The following CLEC4C variants were observed in gnomAD, a reference collection of about 807,000 sequenced individuals.
CLEC4C encodes the protein C-type lectin domain family 4 member C, also known as C-type (calcium dependent, carbohydrate-recognition domain) lectin, superfamily member 11.
CLEC4C carries 17 observed loss-of-function variants against 27.7 expected under a neutral mutation model. That is an observed-to-expected ratio of 0.61 (90% CI 0.42 to 0.92). The LOEUF is 0.92. CLEC4C is among the 40% of genes least tolerant of loss of function. CLEC4C has a pLI of 0.00. For missense variants in CLEC4C, 244 were observed against 257.3 expected (o/e 0.95, Z 0.35); for synonymous variants, 80 against 80.8 (o/e 0.99, Z 0.06).
chr12:7,737,282 T>G, intron 4 of CLEC4C, 147 bp downstream of exon 4: 1 of 652,088 alleles, frequency 1.5e-6, no homozygotes, highest in Non-Finnish European at 2.4e-6. Flanking sequence ...TTAAGGAGAT[T>G]TTCCTGTGTT....
At chr12:7,733,913 G>T (rs923928009) in intron 4 of CLEC4C, among the ~76,000 whole-genome samples, 1 of 150,548 alleles carries the variant, frequency 6.6e-6, no homozygotes, top group Admixed American at 6.6e-5. Context: ...TTCTTTTTGA[G>T]ATGGAGTCTT....
At chr12:7,748,883 G>C (rs997718923), upstream of CLEC4C, among the ~76,000 whole-genome samples, 6 of 152,210 alleles carry the variant, frequency 3.9e-5, no homozygotes, top group Non-Finnish European at 8.8e-5. Flanking sequence ...ATTGCATGTA[G>C]GCCCAGCTCA....
intron 4 of CLEC4C, among the ~76,000 whole-genome samples, chr12:7,736,770 G>A (rs758286354): frequency 3.0e-4 from 45 of 152,112 alleles, no homozygotes; most frequent in African/African-American, 9.2e-4. Flanking sequence ...TTAGCCGGGC[G>A]TGGTGGCAGG....
chr12:7,747,427 C>T (rs1865008574), upstream of CLEC4C: 2 of 1,449,604 alleles, frequency 1.4e-6, no homozygotes, highest in Non-Finnish European at 1.9e-6. Context: ...AAAGATGTTA[C>T]TTTCGGGGTG....
chr12:7,737,951 G>A (rs946008268), intron 3 of CLEC4C, among the ~76,000 whole-genome samples: 1 of 152,070 alleles, frequency 6.6e-6, no homozygotes, highest in African/African-American at 2.4e-5. Context: ...TGTTGAGTTT[G>A]GCCCATGCCT....
intron 3 of CLEC4C, among the ~76,000 whole-genome samples, 189 bp downstream of exon 3, chr12:7,741,232 T>C (rs1334987351): frequency 6.6e-6 from 1 of 152,016 alleles, no homozygotes; most frequent in Non-Finnish European, 1.5e-5. Flanking sequence ...TCCCAAAGTG[T>C]TGGGATTACA....
intron 1 of CLEC4C, 33 bp downstream of exon 1, chr12:7,747,285 A>T: frequency 1.9e-6 from 3 of 1,609,758 alleles, no homozygotes; most frequent in Non-Finnish European, 2.6e-6. Context: ...TGCTCCTACT[A>T]CCTTCCCTAG....
intron 2 of CLEC4C, among the ~76,000 whole-genome samples, chr12:7,744,165 G>A (rs987189840): frequency 3.9e-5 from 6 of 152,196 alleles, no homozygotes; most frequent in African/African-American, 1.4e-4. Context: ...AATTTCAAGT[G>A]ATAGTTGTCC....
intron 4 of CLEC4C, among the ~76,000 whole-genome samples, chr12:7,736,810 G>A (rs879812078): frequency 8.5e-5 from 13 of 152,092 alleles, no homozygotes; most frequent in African/African-American, 2.7e-4. Flanking sequence ...TTGGGAGGCA[G>A]GAGAATGGTG....
chr12:7,747,914 T>A (rs1195670930), upstream of CLEC4C, among the ~76,000 whole-genome samples: 3 of 69,410 alleles, frequency 4.3e-5, no homozygotes, highest in Admixed American at 2.5e-4. Context: ...AGAGCAAAAC[T>A]CCATCTCCAA....
chr12:7,747,399 T>A (rs746351239), upstream of CLEC4C: 1 of 1,581,338 alleles, frequency 6.3e-7, no homozygotes, highest in Non-Finnish European at 8.7e-7. Flanking sequence ...GTGCAGAAGC[T>A]CTTGTATCAC....
chr12:7,748,974 A>T (rs1865045056), upstream of CLEC4C: 1 of 152,322 alleles, frequency 6.6e-6, no homozygotes, highest in African/African-American at 2.4e-5. Flanking sequence ...CTAGATAAGA[A>T]TTGGTAGATG....
At chr12:7,746,218 A>G (rs1864975929) in intron 2 of CLEC4C, 113 bp downstream of exon 2, 1 of 635,292 alleles carries the variant, frequency 1.6e-6, no homozygotes, top group Non-Finnish European at 2.6e-6. Context: ...CGTCTCAAAA[A>G]AAAAAAAAAA....
intron 3 of CLEC4C, among the ~76,000 whole-genome samples, chr12:7,738,197 C>T (rs1864772305): frequency 6.6e-6 from 1 of 152,172 alleles, no homozygotes; most frequent in Non-Finnish European, 1.5e-5. Flanking sequence ...GTTGCAACCT[C>T]ATTTTCTGTG....
chr12:7,741,962 A>G (rs1246465223), intron 2 of CLEC4C, among the ~76,000 whole-genome samples: 1 of 152,136 alleles, frequency 6.6e-6, no homozygotes, highest in Non-Finnish European at 1.5e-5. Context: ...CAGAGGTTGC[A>G]GTGAGCCGAG....
At chr12:7,733,694 G>C (rs754786347) in intron 4 of CLEC4C, among the ~76,000 whole-genome samples, 1 of 151,614 alleles carries the variant, frequency 6.6e-6, no homozygotes, top group Non-Finnish European at 1.5e-5. Context: ...TATTAGCCAG[G>C]ATGGTCTCAA....
chr12:7,742,162 A>G (rs1864870548), intron 2 of CLEC4C, among the ~76,000 whole-genome samples: 2 of 151,170 alleles, frequency 1.3e-5, no homozygotes. Flanking sequence ...CCTGGGTGAC[A>G]AGAGTGCAAC....
intron 4 of CLEC4C, among the ~76,000 whole-genome samples, chr12:7,734,540 CT>C (rs1305154304): frequency 4.1e-5 from 6 of 144,872 alleles, no homozygotes; most frequent in Non-Finnish European, 6.0e-5. Flanking sequence ...AGAATAATAT[CT>C]GAGGCCTCCA....
chr12:7,737,392 A>G, intron 4 of CLEC4C, 37 bp downstream of exon 4: 1 of 1,536,568 alleles, frequency 6.5e-7, no homozygotes, highest in Non-Finnish European at 8.8e-7. Context: ...TAAGAAAGGA[A>G]ACAGATTAGC....
Sources: gnomAD v4.1 joint callset for allele counts (sites outside exome capture counted in the v4.1 genomes callset) on GRCh38, gnomAD v4.1.1 for gene constraint, MANE v1.5 for transcripts, NCBI Gene and HGNC (gene_info 2026-07-23, HGNC 2026-07-21) for gene names.